TBCD: variants seen among roughly 807,000 people sequenced by gnomAD.
TBCD encodes the protein tubulin-specific chaperone D.
In TBCD, 105 loss-of-function variants were observed where a neutral mutation model predicts 169.3. That is an observed-to-expected ratio of 0.62 (90% confidence interval 0.53 to 0.73). The LOEUF is 0.73. Ranked by LOEUF, TBCD falls within the 30% of genes least tolerant of loss-of-function variation. The pLI, the probability that TBCD is intolerant of heterozygous loss-of-function variation, is 0.00. For synonymous variants in TBCD, 700 were observed against 643.9 expected, an observed-to-expected ratio of 1.09 and a Z score of -1.32; for missense variants, 1,444 against 1,600.1, an observed-to-expected ratio of 0.90 and a Z score of 1.66.
At chr17:82,759,751 G>C (rs2047652766) in intron 2 of TBCD, among the ~76,000 whole-genome samples, 1 of 152,128 alleles carries the variant, frequency 6.6e-6, no homozygotes, top group Non-Finnish European at 1.5e-5. Flanking sequence ...GGATGATTTA[G>C]TGGCCTCTCC....
chr17:82,762,444 T>A lies in TBCD; in HGVS notation c.236-1521T>A, dbSNP rs142934657. On this transcript the variant is annotated intron_variant, in intron 2 of 38. Coordinates refer to ENST00000355528, the MANE Select transcript of TBCD (RefSeq NM_005993.5). ...AATTGCTGAGTAGCAGAAAGTGTCT[T>A]ACTTGTAGAAAGTGTATGACTTGGC... is the stretch of plus-strand genomic sequence containing the variant. Among the ~76,000 whole-genome samples, 12 of 152,218 alleles carry A rather than the reference T, an allele frequency of 7.9e-5. No homozygotes were observed. The East Asian group carries it at 2.3e-3, about 29-fold the overall frequency.
In TBCD at chr17:82,752,275, G is replaced by A. The variant is rs916503100; in HGVS notation, c.82G>A (p.Glu28Lys). ...GACACTGGCCTTTGGCGCGGCGCTG[G>A]AAGCGTTCGGCGAGAGCGCGGAGAC... ...DETLAFGAAL[E>K]AFGESAETRA... The change falls in exon 1 of 39, where the codon GAA becomes AAA. Residue 28 changes from glutamate to lysine, a missense_variant. By Grantham distance (56) the Glu-to-Lys change is moderately conservative. Coordinates refer to ENST00000355528, the MANE Select transcript of TBCD (RefSeq NM_005993.5). 16 of 1,517,130 alleles carry A rather than the reference G, an allele frequency of 1.1e-5. No homozygotes were observed. The Admixed American group carries it at 2.9e-4, about 27-fold the overall frequency. 94.0% of individuals were successfully genotyped at this position (1,517,130 alleles called of 1,614,324 possible).
At chr17:82,888,808 G>A (rs2058933602) in intron 15 of TBCD, among the ~76,000 whole-genome samples, 1 of 152,230 alleles carries the variant, frequency 6.6e-6, no homozygotes, top group Admixed American at 6.5e-5. Flanking sequence ...GCCCCCAGGC[G>A]AGTGTTGGCA....
intron 34 of TBCD, among the ~76,000 whole-genome samples, chr17:82,934,735 G>A (rs539596253): frequency 5.9e-5 from 9 of 151,904 alleles, no homozygotes; most frequent in East Asian, 2.0e-4. Context: ...GCCTCCCAAA[G>A]TGCTGGGATT....
rs755302623 is a variant in TBCD at position 82,840,953 on chromosome 17, G to GTTTTTTTTTTT, written c.1318+26019_1318+26020insTTTTTTTTTTT. ...ACGAGCTGGCCAGGACAGACAAACT[G>GTTTTTTTTTTT]GTTTTTTTTTTTTTTTTTTTTTTTT... On this transcript the variant is annotated intron_variant, in intron 13 of 38. Coordinates refer to ENST00000355528, the MANE Select transcript of TBCD (RefSeq NM_005993.5). Among the ~76,000 whole-genome samples the GTTTTTTTTTTT allele has an allele frequency of 6.0e-4, 42 of 70,548 alleles. 19 individuals are homozygous for GTTTTTTTTTTT. The highest frequency in any genetic ancestry group is 1.8e-3 in the African/African-American group (33 of 18,010). 46.3% of individuals were successfully genotyped at this position (70,548 alleles called of 152,430 possible). A position where few individuals can be genotyped will look rare whatever the true frequency, so the allele number is the denominator to read the frequency against.
intron 17 of TBCD, among the ~76,000 whole-genome samples, chr17:82,896,813 G>A (rs371116385): frequency 7.2e-5 from 11 of 152,208 alleles, no homozygotes; most frequent in East Asian, 5.8e-4. Flanking sequence ...ATGGTGCCAC[G>A]CGCCCCCGGT....
At chr17:82,862,332 G>T (rs2056839546) in intron 13 of TBCD, among the ~76,000 whole-genome samples, 1 of 152,008 alleles carries the variant, frequency 6.6e-6, no homozygotes, top group South Asian at 2.1e-4. Flanking sequence ...GAGAGCCTCA[G>T]CCTCTGTGGA....
At chr17:82,830,866 A>G (rs2053439662) in intron 13 of TBCD, 1 of 1,612,742 alleles carries the variant, frequency 6.2e-7, no homozygotes, top group Admixed American at 1.7e-5. Flanking sequence ...GTCTCCGTTC[A>G]CAACATTGAG....
intron 13 of TBCD, among the ~76,000 whole-genome samples, chr17:82,834,676 A>T (rs1442084073): frequency 6.8e-6 from 1 of 147,008 alleles, no homozygotes; most frequent in Non-Finnish European, 1.5e-5. Context: ...GTGAAAACAC[A>T]TGGACACAGG....
chr17:82,854,558 A>G (rs2056091183), intron 13 of TBCD, among the ~76,000 whole-genome samples: 1 of 152,170 alleles, frequency 6.6e-6, no homozygotes, highest in Admixed American at 6.5e-5. Flanking sequence ...ATGGGGGTGT[A>G]CAGATACTGT....
intron 14 of TBCD, among the ~76,000 whole-genome samples, chr17:82,877,915 T>A (rs1476545217): frequency 6.6e-6 from 1 of 152,216 alleles, no homozygotes; most frequent in Non-Finnish European, 1.5e-5. Flanking sequence ...AAATTTTCAG[T>A]TTCAAGTAGT....
In TBCD at chr17:82,756,222, A is replaced by G; in HGVS notation, c.235+7A>G. The G allele has an allele frequency of 3.7e-6, 6 of 1,607,734 alleles. No homozygotes were observed. The highest frequency in any genetic ancestry group is 4.2e-6 in the Non-Finnish European group (5 of 1,176,804). Reference sequence around the variant, plus strand: ...CTGTTGGACCCGCACCTTGGTAAGAATAGAAGCTGCTGATTTTGATCATTC... The same window carrying G: ...CTGTTGGACCCGCACCTTGGTAAGAGTAGAAGCTGCTGATTTTGATCATTC... On this transcript the variant is annotated splice_region_variant and intron_variant, in intron 2 of 38. Transcript: ENST00000355528.
chr17:82,752,170 G>A lies in TBCD; in HGVS notation c.-24G>A. On this transcript the variant is annotated 5_prime_UTR_variant, in exon 1 of 39. Transcript: ENST00000355528. ...TGGGATCTGCGAACACGTGAGGCGG[G>A]GGCGCGGTCCCCAGGCTGCCGAGAT... The A allele has an allele frequency of 6.7e-7, 1 of 1,501,836 alleles. No homozygotes were observed. The highest frequency in any genetic ancestry group is 8.9e-7 in the Non-Finnish European group (1 of 1,128,588). 93.0% of individuals were successfully genotyped at this position (1,501,836 alleles called of 1,614,324 possible).
intron 7 of TBCD, among the ~76,000 whole-genome samples, chr17:82,784,463 T>G (rs1598476761): frequency 6.6e-6 from 1 of 151,032 alleles, no homozygotes; most frequent in African/African-American, 2.4e-5. Context: ...GGTACGGGGG[T>G]GGAGGGGTAG....
At chr17:82,756,460 GCTC>G (rs2047406482) in intron 2 of TBCD, among the ~76,000 whole-genome samples, 1 of 152,090 alleles carries the variant, frequency 6.6e-6, no homozygotes, top group African/African-American at 2.4e-5. Flanking sequence ...AACAACATCT[GCTC>G]CTCATGTGTT....
In TBCD at chr17:82,855,235, C is replaced by CTTTTTT. The variant is rs58346723; in HGVS notation, c.1319-14958_1319-14953dup. Reference sequence around the variant, plus strand: ...CCAGAGGGGCAGGGAAAGGTGTTTGCTTTTTTTTTTTTTTTTTTTTTTTTT... The same window carrying CTTTTTT: ...CCAGAGGGGCAGGGAAAGGTGTTTGCTTTTTTTTTTTTTTTTTTTTTTTTTTTTTTT... On this transcript the variant is annotated intron_variant, in intron 13 of 38. Coordinates refer to ENST00000355528, the MANE Select transcript of TBCD (RefSeq NM_005993.5). 1.1e-3 allele frequency among the ~76,000 whole-genome samples: 57 copies of CTTTTTT among 54,022 alleles called. 2 individuals are homozygous for CTTTTTT. Among genetic ancestry groups the CTTTTTT allele is most frequent in the African/African-American group, 3.6e-3 (55 of 15,326 alleles). 35.4% of individuals were successfully genotyped at this position (54,022 alleles called of 152,430 possible).
chr17:82,811,836 G>A (rs1198779860), intron 12 of TBCD, among the ~76,000 whole-genome samples: 1 of 152,236 alleles, frequency 6.6e-6, no homozygotes, highest in Non-Finnish European at 1.5e-5. Flanking sequence ...CCTGGGACGT[G>A]TGGTAAGCTG....
intron 7 of TBCD, among the ~76,000 whole-genome samples, chr17:82,786,540 C>G (rs966619445): frequency 6.6e-6 from 1 of 152,222 alleles, no homozygotes; most frequent in African/African-American, 2.4e-5. Context: ...CCGTCCCCAC[C>G]CCATGCTGTT....
chr17:82,781,519 GGGGT>G, intron 6 of TBCD, 66 bp from the exon 7 acceptor site: 1 of 1,581,544 alleles, frequency 6.3e-7, no homozygotes, highest in Non-Finnish European at 8.6e-7. Flanking sequence ...GGGTGTGTGT[GGGGT>G]GGGCTGGTGA....
Sources: allele counts gnomAD v4.1 joint callset (sites outside exome capture counted in the v4.1 genomes callset), GRCh38; gene constraint gnomAD v4.1.1; transcripts MANE v1.5; gene names NCBI Gene and HGNC (gene_info 2026-07-23, HGNC 2026-07-21).